Variants in DGKI observed in about 807,000 individuals in gnomAD.
The protein encoded by DGKI is DAG kinase iota.
Under a neutral mutation model 147.5 loss-of-function variants are expected in DGKI, and 55 were observed. The ratio of observed to expected loss-of-function variants is 0.37; its 90% CI spans 0.30 to 0.47. DGKI has a LOEUF of 0.47. Ranked by LOEUF, DGKI falls within the 20% of genes least tolerant of loss-of-function variation. The pLI is 1.00. For synonymous variants in DGKI, 469 were observed against 477.1 expected (o/e 0.98, Z 0.22); for missense variants, 1,007 against 1,323.8 (o/e 0.76, Z 3.71).
chr7:137,726,525 G>C (rs1563169002), intron 1 of DGKI, among the ~76,000 whole-genome samples: 1 of 152,160 alleles, frequency 6.6e-6, no homozygotes, highest in African/African-American at 2.4e-5. Context: ...GATGTTTGTT[G>C]TTAAAAAGAT....
chr7:137,657,871 T>C (rs1822281998), intron 3 of DGKI, among the ~76,000 whole-genome samples: 1 of 152,194 alleles, frequency 6.6e-6, no homozygotes, highest in South Asian at 2.1e-4. Flanking sequence ...TCATAGGTCT[T>C]GGACAGCTGC....
intron 1 of DGKI, among the ~76,000 whole-genome samples, chr7:137,756,000 T>C (rs1459361499): frequency 1.3e-5 from 2 of 152,202 alleles, no homozygotes; most frequent in Non-Finnish European, 2.9e-5. Context: ...AGGTATATTT[T>C]GAGCCAGACA....
intron 21 of DGKI, among the ~76,000 whole-genome samples, chr7:137,505,736 C>A (rs1305741319): frequency 2.1e-5 from 3 of 144,758 alleles, no homozygotes. Flanking sequence ...AAGACTGGTA[C>A]CCAAAAAATA....
At chr7:137,537,596 T>C (rs1180722260) in intron 20 of DGKI, among the ~76,000 whole-genome samples, 1 of 152,084 alleles carries the variant, frequency 6.6e-6, no homozygotes. Flanking sequence ...CCCTCGAAAT[T>C]GGTTTTTGGG....
intron 1 of DGKI, among the ~76,000 whole-genome samples, chr7:137,831,231 C>G (rs996111886): frequency 1.3e-5 from 2 of 152,124 alleles, no homozygotes; most frequent in Non-Finnish European, 2.9e-5. Context: ...TTTTAAACCA[C>G]CTAGTTAACT....
At chr7:137,598,100 G>C (rs1338634299) in intron 11 of DGKI, among the ~76,000 whole-genome samples, 193 bp from the exon 12 acceptor site, 1 of 152,176 alleles carries the variant, frequency 6.6e-6, no homozygotes. Flanking sequence ...ACAGGTGTAG[G>C]CATCAGACAT....
intron 20 of DGKI, among the ~76,000 whole-genome samples, chr7:137,546,525 A>G (rs1817872608): frequency 6.6e-6 from 1 of 152,246 alleles, no homozygotes; most frequent in Non-Finnish European, 1.5e-5. Flanking sequence ...TAAAAACTCC[A>G]AAGGTAATAC....
At chr7:137,401,210 AG>A (rs1811744620) in intron 30 of DGKI, among the ~76,000 whole-genome samples, 1 of 152,168 alleles carries the variant, frequency 6.6e-6, no homozygotes, top group Non-Finnish European at 1.5e-5. Flanking sequence ...AAAGGAAACG[AG>A]ACAAAAGGAG....
intron 28 of DGKI, among the ~76,000 whole-genome samples, chr7:137,420,185 T>A (rs1812510413): frequency 6.6e-6 from 1 of 152,170 alleles, no homozygotes; most frequent in Non-Finnish European, 1.5e-5. Flanking sequence ...TATAAGATGG[T>A]GGCTGGGTTC....
At chr7:137,593,015 AAAT>A (rs1819668164) in intron 12 of DGKI, among the ~76,000 whole-genome samples, 1 of 152,108 alleles carries the variant, frequency 6.6e-6, no homozygotes, top group South Asian at 2.1e-4. Context: ...AATTAAAGGA[AAAT>A]AATACTTCCT....
intron 28 of DGKI, among the ~76,000 whole-genome samples, chr7:137,417,178 C>A (rs1012916663): frequency 6.6e-6 from 1 of 152,152 alleles, no homozygotes; most frequent in Admixed American, 6.5e-5. Flanking sequence ...CTCAAAACTC[C>A]TTCATACTAA....
At chr7:137,714,466 A>G (rs1794317459) in intron 1 of DGKI, among the ~76,000 whole-genome samples, 1 of 152,182 alleles carries the variant, frequency 6.6e-6, no homozygotes, top group Non-Finnish European at 1.5e-5. Flanking sequence ...ATAGAGGACA[A>G]TGGCATATTT....
At chr7:137,752,266 A>C (rs561908827) in intron 1 of DGKI, among the ~76,000 whole-genome samples, 21 of 132,582 alleles carry the variant, frequency 1.6e-4, no homozygotes, top group African/African-American at 6.8e-4. Flanking sequence ...TCAACAATAC[A>C]AAAAAAAAAA....
chr7:137,619,482 A>G (rs1283128871), intron 8 of DGKI, among the ~76,000 whole-genome samples: 2 of 152,186 alleles, frequency 1.3e-5, no homozygotes, highest in East Asian at 1.9e-4. Flanking sequence ...CCAGGCTGGA[A>G]GAGAACAGAG....
chr7:137,544,580 G>A (rs146205206), intron 20 of DGKI, among the ~76,000 whole-genome samples: 3 of 152,228 alleles, frequency 2.0e-5, no homozygotes, highest in African/African-American at 4.8e-5. Flanking sequence ...TAAGATGAGA[G>A]TTGAAAGTAG....
In DGKI at chr7:137,456,991, C is replaced by T. The variant is rs143692525; in HGVS notation, c.2735+6498G>A. ...ATCTCTTATTAAATATTTCACACAC[C>T]CATAGGAATAGAGTGTTATTATGTG... On this transcript the variant is annotated intron_variant, in intron 27 of 32. Transcript: ENST00000614521. 5.8e-3 allele frequency among the ~76,000 whole-genome samples: 887 copies of T among 152,182 alleles called. 8 individuals are homozygous for T. Among genetic ancestry groups the T allele is most frequent in the African/African-American group, 0.02 (846 of 41,496 alleles).
chr7:137,435,586 A>G (rs1255476881), intron 28 of DGKI, among the ~76,000 whole-genome samples: 1 of 152,190 alleles, frequency 6.6e-6, no homozygotes, highest in Non-Finnish European at 1.5e-5. Flanking sequence ...AAGAGCCTCA[A>G]AAATGAGCAC....
At chr7:137,407,831 T>G in intron 30 of DGKI, 44 bp downstream of exon 30, 1 of 1,604,438 alleles carries the variant, frequency 6.2e-7, no homozygotes, top group Non-Finnish European at 8.5e-7. Flanking sequence ...TGCAATGGAT[T>G]TCACAGGTAA....
At chr7:137,732,470 A>G (rs1166610306) in intron 1 of DGKI, among the ~76,000 whole-genome samples, 1 of 152,080 alleles carries the variant, frequency 6.6e-6, no homozygotes, top group Non-Finnish European at 1.5e-5. Context: ...TTTCATGATG[A>G]TAACTGCCCT....
Sources: allele counts gnomAD v4.1 joint callset (sites outside exome capture counted in the v4.1 genomes callset), GRCh38; gene constraint gnomAD v4.1.1; transcripts MANE v1.5; gene names NCBI Gene and HGNC (gene_info 2026-07-23, HGNC 2026-07-21).